LRRFIP2: variants seen among roughly 807,000 people sequenced by gnomAD.
The protein encoded by LRRFIP2 is leucine-rich repeat flightless-interacting protein 2.
A neutral mutation model predicts 125.9 loss-of-function variants in LRRFIP2; 109 were observed. That is an observed-to-expected ratio of 0.87 (90% CI 0.74 to 1.01). The LOEUF is 1.01. Among genes scored for constraint, LRRFIP2 ranks in the 50% least tolerant of loss-of-function variants. LRRFIP2 has a pLI of 0.00. For missense variants in LRRFIP2, 850 were observed against 862.3 expected (o/e 0.99, Z 0.18); for synonymous variants, 291 against 293.1 (o/e 0.99, Z 0.07).
In LRRFIP2 at chr3:37,112,962, A is replaced by C. The variant is rs2094604667; in HGVS notation, c.391T>G (p.Ser131Ala). The change falls in exon 8 of 28, where the codon TCT becomes GCT. Residue 131 changes from serine to alanine, a missense_variant. Physicochemically the swap from Ser to Ala is moderately conservative, Grantham distance 99. Transcript: ENST00000336686. ...LSSLNHSYSH[S>A]HGMKKRSSDS... The stretch of plus-strand genomic sequence containing the variant: ...GAAGACCTCTTCTTCATTCCATGAG[A>C]GTGACTGTAAGAATGATTCTGGAAG... 1.9e-6 allele frequency: 3 copies of C among 1,579,388 alleles called. No homozygotes were observed. The highest frequency in any genetic ancestry group is 2.6e-6 in the Non-Finnish European group (3 of 1,153,064).
intron 2 of LRRFIP2, among the ~76,000 whole-genome samples, chr3:37,147,060 CAG>C (rs1173749046): frequency 6.6e-6 from 1 of 151,738 alleles, no homozygotes; most frequent in Admixed American, 6.6e-5. Flanking sequence ...AGGACATGAA[CAG>C]ACACTTCTCA....
intron 2 of LRRFIP2, among the ~76,000 whole-genome samples, chr3:37,140,868 C>T (rs1294253869): frequency 6.6e-6 from 1 of 152,124 alleles, no homozygotes; most frequent in Non-Finnish European, 1.5e-5. Flanking sequence ...CTACTTTGCT[C>T]CCATCAAGAT....
At chr3:37,151,358 CAA>C (rs983606547) in intron 1 of LRRFIP2, among the ~76,000 whole-genome samples, 6 of 128,890 alleles carry the variant, frequency 4.7e-5, no homozygotes, top group Non-Finnish European at 5.0e-5. Context: ...GACTCCATCT[CAA>C]AAAAAAAAAA....
chr3:37,075,143 A>G (rs1336396691), intron 19 of LRRFIP2, 27 bp from the exon 20 acceptor site: 3 of 1,508,316 alleles, frequency 2.0e-6, no homozygotes, highest in Non-Finnish European at 2.8e-6. Flanking sequence ...AATATCATTT[A>G]CACAGGTCAT....
chr3:37,090,646 T>C (rs1455123586), intron 18 of LRRFIP2, among the ~76,000 whole-genome samples: 1 of 152,200 alleles, frequency 6.6e-6, no homozygotes, highest in Non-Finnish European at 1.5e-5. Flanking sequence ...AAGAGCATGA[T>C]AACCAAATGC....
chr3:37,147,470 G>A (rs1022189976), intron 2 of LRRFIP2, among the ~76,000 whole-genome samples: 2 of 152,176 alleles, frequency 1.3e-5, no homozygotes, highest in Non-Finnish European at 2.9e-5. Flanking sequence ...GATTTTTAAT[G>A]TATTTTTGTT....
rs1196863955 is a variant in LRRFIP2, at chr3:37,164,964, G to A, written c.-56+9575C>T. Among the ~76,000 whole-genome samples the A allele has an allele frequency of 4.6e-5, 7 of 152,084 alleles. No homozygotes were observed. The East Asian group carries it at 7.7e-4, about 17-fold the overall frequency. On this transcript the variant is annotated intron_variant, in intron 1 of 27. Coordinates refer to ENST00000336686, the MANE Select transcript of LRRFIP2 (RefSeq NM_006309.4). The stretch of plus-strand genomic sequence containing the variant: ...ATAAGACTGTCTTCCAGCCTGGTGC[G>A]GTGGCTGACGCCTGTAATCCCAGCA...
chr3:37,077,944 C>T (rs567763728), intron 19 of LRRFIP2, among the ~76,000 whole-genome samples: 7 of 152,054 alleles, frequency 4.6e-5, no homozygotes, highest in Admixed American at 4.6e-4. Flanking sequence ...GAGTTTGGTA[C>T]ACAGAGTAGC....
At chr3:37,063,882 T>C in intron 23 of LRRFIP2, 91 bp from the exon 24 acceptor site, 1 of 848,878 alleles carries the variant, frequency 1.2e-6, no homozygotes, top group Non-Finnish European at 2.0e-6. Flanking sequence ...ACAGCTAATA[T>C]TATCTGATAA....
chr3:37,151,880 C>CA (rs2096039672), intron 1 of LRRFIP2, among the ~76,000 whole-genome samples: 1 of 152,152 alleles, frequency 6.6e-6, no homozygotes, highest in African/African-American at 2.4e-5. Flanking sequence ...GCTGGGATTA[C>CA]AGGCATGAGC....
chr3:37,127,705 C>T (rs753347918), intron 3 of LRRFIP2, 25 bp from the exon 4 acceptor site: 11 of 1,591,178 alleles, frequency 6.9e-6, no homozygotes, highest in South Asian at 1.1e-5. Flanking sequence ...ATTTCATAAA[C>T]CAAATAGTTT....
At chr3:37,122,526 G>C (rs897552239) in intron 4 of LRRFIP2, among the ~76,000 whole-genome samples, 1 of 152,122 alleles carries the variant, frequency 6.6e-6, no homozygotes, top group Non-Finnish European at 1.5e-5. Flanking sequence ...CAGGTAGGAA[G>C]AAGTGTTAAC....
intron 16 of LRRFIP2, among the ~76,000 whole-genome samples, chr3:37,096,225 T>C (rs2093710664): frequency 6.6e-6 from 1 of 152,130 alleles, no homozygotes; most frequent in African/African-American, 2.4e-5. Context: ...CAAAGCAAAT[T>C]CTAGAAAGGA....
intron 1 of LRRFIP2, among the ~76,000 whole-genome samples, chr3:37,151,313 C>T (rs2096016590): frequency 6.6e-6 from 1 of 151,442 alleles, no homozygotes; most frequent in Non-Finnish European, 1.5e-5. Context: ...GAACCGAGAT[C>T]GTGCCACTGC....
At chr3:37,119,415 A>G (rs1046271585) in intron 6 of LRRFIP2, among the ~76,000 whole-genome samples, 1 of 152,166 alleles carries the variant, frequency 6.6e-6, no homozygotes, top group Admixed American at 6.5e-5. Context: ...AGGCCCCCAA[A>G]TGTTCAAATT....
At chr3:37,089,339 T>A (rs1220275861) in intron 18 of LRRFIP2, among the ~76,000 whole-genome samples, 1 of 152,174 alleles carries the variant, frequency 6.6e-6, no homozygotes, top group African/African-American at 2.4e-5. Context: ...TAGTACAGCA[T>A]GGGCAAATGC....
intron 18 of LRRFIP2, among the ~76,000 whole-genome samples, chr3:37,089,504 C>T (rs760874418): frequency 6.6e-6 from 1 of 152,140 alleles, no homozygotes; most frequent in Non-Finnish European, 1.5e-5. Flanking sequence ...GGTCACCAAT[C>T]AGACAATCTT....
chr3:37,170,189 G>C (rs534092570), intron 1 of LRRFIP2: 1 of 152,158 alleles, frequency 6.6e-6, no homozygotes, highest in Non-Finnish European at 1.5e-5. Context: ...GCAAAAAAGT[G>C]GGGGTGGGGA....
chr3:37,078,939 T>A (rs1559740333), intron 19 of LRRFIP2, among the ~76,000 whole-genome samples: 1 of 152,212 alleles, frequency 6.6e-6, no homozygotes, highest in Non-Finnish European at 1.5e-5. Context: ...ACTGAAGATA[T>A]CAAATGCTTG....
Sources: allele counts gnomAD v4.1 joint callset (sites outside exome capture counted in the v4.1 genomes callset), GRCh38; gene constraint gnomAD v4.1.1; transcripts MANE v1.5; gene names NCBI Gene and HGNC (gene_info 2026-07-23, HGNC 2026-07-21).